Variants in CCDC125 observed in about 807,000 individuals in gnomAD.
CCDC125 encodes the protein coiled-coil domain containing 125.
A neutral mutation model predicts 57.4 loss-of-function variants in CCDC125; 43 were observed. The ratio of observed to expected loss-of-function variants is 0.75; its 90% confidence interval spans 0.59 to 0.97. The LOEUF (loss-of-function observed/expected upper bound fraction) is 0.97, where lower values mean the gene tolerates loss of function less well. Among genes scored for constraint, CCDC125 ranks in the 50% least tolerant of loss-of-function variants. The probability of loss-of-function intolerance (pLI) is 0.00; values close to 1 mark genes in which losing one functional copy is unlikely to be tolerated. For synonymous variants in CCDC125, 187 were observed against 195.2 expected (o/e 0.96, Z 0.35); for missense variants, 563 against 595.7 (o/e 0.95, Z 0.57).
intron 10 of CCDC125, among the ~76,000 whole-genome samples, chr5:69,289,932 G>A (rs963728496): frequency 6.7e-6 from 1 of 149,990 alleles, no homozygotes; most frequent in Non-Finnish European, 1.5e-5. Context: ...CAAAAGTTTC[G>A]TGTCAGAAAA....
intron 4 of CCDC125, 71 bp from the exon 5 acceptor site, chr5:69,308,099 CTTTTA>C: frequency 9.2e-7 from 1 of 1,083,296 alleles, no homozygotes; most frequent in Non-Finnish European, 1.4e-6. Context: ...ATGAAGTTCT[CTTTTA>C]TTTTAAGGCA....
intron 8 of CCDC125, among the ~76,000 whole-genome samples, chr5:69,297,028 A>C (rs537932110): frequency 1.3e-5 from 2 of 148,696 alleles, no homozygotes; most frequent in South Asian, 4.3e-4. Context: ...TCACAGGGGC[A>C]ATCTACACAA....
In CCDC125 at chr5:69,320,379, T is replaced by C. The variant is rs201909445; in HGVS notation, c.162A>G (p.Gly54=). The C allele has an allele frequency of 3.2e-5, 51 of 1,614,148 alleles. No individual in the cohort carries two copies. In the Admixed American group the frequency reaches 8.3e-4, roughly 26 times the overall value. ...FSHRSRKRSD[G]KNFSPPPFPR... is the part of the protein sequence containing the mutation. ...GAAATGGAGGAGGGCTAAAGTTCTT[T>C]CCATCTGATCTTTTTCTAGACCTAT... The change falls in exon 2 of 12, where the codon GGA becomes GGG. Residue 54 remains glycine (G), a synonymous_variant. Coordinates refer to ENST00000396496, the MANE Select transcript of CCDC125 (RefSeq NM_176816.5).
At position 69,329,108 on chromosome 5, in the gene CCDC125, A is replaced by AAT. The variant is rs1761094557; in HGVS notation, c.-41+3540_-41+3541insAT. Among the ~76,000 whole-genome samples the AAT allele has an allele frequency of 2.0e-5, 3 of 150,834 alleles. No homozygotes were observed. The South Asian group carries it at 6.3e-4, about 32-fold the overall frequency. The stretch of plus-strand genomic sequence containing the variant: ...ACGCCCGGCCTACCTTTGACTTTTA[A>AAT]AAGACGACTTGAACCAACATATCAA... On this transcript the variant is annotated intron_variant, in intron 1 of 11. Coordinates refer to ENST00000396496, the MANE Select transcript of CCDC125 (RefSeq NM_176816.5).
At chr5:69,319,044 C>T (rs1257538019) in intron 2 of CCDC125, among the ~76,000 whole-genome samples, 1 of 151,774 alleles carries the variant, frequency 6.6e-6, no homozygotes, top group South Asian at 2.1e-4. Flanking sequence ...TCTTGTGCCT[C>T]GGCCTCCCGA....
At chr5:69,284,416 T>C (rs1752984880) in intron 11 of CCDC125, among the ~76,000 whole-genome samples, 1 of 152,172 alleles carries the variant, frequency 6.6e-6, no homozygotes, top group South Asian at 2.1e-4. Context: ...AAGGATATAA[T>C]GTGTGAGGAA....
At position 69,313,828 on chromosome 5, in the gene CCDC125, G is replaced by A. The variant is rs1295351182; in HGVS notation, c.366+157C>T. ...AAGACTTACACAACTTCATGTCGTTGAACACCTTGATGACACCATCAGAGA... is the reference window on the plus strand; with the variant it reads ...AAGACTTACACAACTTCATGTCGTTAAACACCTTGATGACACCATCAGAGA... On this transcript the variant is annotated intron_variant, in intron 3 of 11. Coordinates refer to ENST00000396496, the MANE Select transcript of CCDC125 (RefSeq NM_176816.5). 8.3e-6 allele frequency: 7 copies of A among 839,434 alleles called. No individual in the cohort carries two copies. In the East Asian group the frequency reaches 1.4e-4, roughly 17 times the overall value. The allele number at this position is 839,434 out of a possible 1,614,324, so 52.0% of individuals were successfully genotyped here. A position where few individuals can be genotyped will look rare whatever the true frequency, so the allele number is the denominator to read the frequency against.
At position 69,280,720 on chromosome 5, in the gene CCDC125, T is replaced by C. The variant is rs1228896880; in HGVS notation, c.*2009A>G. 6.6e-6 allele frequency: 1 copy of C among 152,292 alleles called. No homozygotes were observed. The highest frequency in any genetic ancestry group is 1.5e-5 in the Non-Finnish European group (1 of 68,060). 9.4% of individuals were successfully genotyped at this position (152,292 alleles called of 1,614,324 possible). ...CAACACATGCATTTTGCTTTATTCA[T>C]TTGCTTTATCTTATGGATCTCTCCA... On this transcript the variant is annotated 3_prime_UTR_variant, in exon 12 of 12. Coordinates refer to ENST00000396496, the MANE Select transcript of CCDC125 (RefSeq NM_176816.5).
chr5:69,292,965 C>T (rs1754711592), intron 9 of CCDC125, among the ~76,000 whole-genome samples: 2 of 151,358 alleles, frequency 1.3e-5, no homozygotes, highest in Admixed American at 6.6e-5. Flanking sequence ...CTCTGCCTCT[C>T]GAGTAGCTGG....
At chr5:69,312,403 G>A (rs1255579712) in intron 3 of CCDC125, among the ~76,000 whole-genome samples, 1 of 152,186 alleles carries the variant, frequency 6.6e-6, no homozygotes. Context: ...TGTCTCGGCA[G>A]CCAAATACAG....
At chr5:69,286,512 C>T (rs1457501045) in intron 10 of CCDC125, among the ~76,000 whole-genome samples, 3 of 151,722 alleles carry the variant, frequency 2.0e-5, no homozygotes, top group African/African-American at 7.3e-5. Context: ...GGATTACAGG[C>T]GTGAGCCACC....
At chr5:69,320,649 C>T in intron 1 of CCDC125, 69 bp from the exon 2 acceptor site, 1 of 688,400 alleles carries the variant, frequency 1.5e-6, no homozygotes, top group Non-Finnish European at 2.5e-6. Flanking sequence ...TCGATATTTA[C>T]CCAAAACATT....
intron 3 of CCDC125, chr5:69,313,771 C>T (rs1330180534): frequency 2.5e-6 from 2 of 786,684 alleles, no homozygotes; most frequent in South Asian, 1.3e-5. Context: ...AGAGCACCGC[C>T]TTCTTGCGCT....
At chr5:69,329,813 T>G (rs1761199343) in intron 1 of CCDC125, among the ~76,000 whole-genome samples, 1 of 152,132 alleles carries the variant, frequency 6.6e-6, no homozygotes, top group East Asian at 1.9e-4. Flanking sequence ...CGGATGTATT[T>G]TTTTCTATTC....
At position 69,294,793 on chromosome 5, in the gene CCDC125, C is replaced by G; in HGVS notation, c.924G>C (p.Glu308Asp). The G allele has an allele frequency of 1.9e-6, 3 of 1,609,768 alleles. No homozygotes were observed. The highest frequency in any genetic ancestry group is 2.6e-6 in the Non-Finnish European group (3 of 1,176,324). ...TTTTGCTGTTGTGATAACGCAATACCTCTTGTTTGAGCTGAAGAAGCAGTT... is the reference window on the plus strand; with the variant it reads ...TTTTGCTGTTGTGATAACGCAATACGTCTTGTTTGAGCTGAAGAAGCAGTT... ...TRKLLLQLKQ[E>D]LEILQKSKEE... Residue 308 changes from glutamate (E) to aspartate (D), a missense_variant and splice_region_variant, in exon 9 of 12, where the codon GAG (glutamate) becomes GAC (aspartate). Glu to Asp is a conservative substitution (Grantham distance 45). Transcript: ENST00000396496.
intron 10 of CCDC125, among the ~76,000 whole-genome samples, chr5:69,287,415 C>T (rs1753696793): frequency 6.6e-6 from 1 of 152,002 alleles, no homozygotes; most frequent in Non-Finnish European, 1.5e-5. Flanking sequence ...AGGCTTGTGC[C>T]ACCACACCCA....
intron 8 of CCDC125, among the ~76,000 whole-genome samples, chr5:69,298,974 A>C (rs1011426979): frequency 6.6e-6 from 1 of 152,204 alleles, no homozygotes; most frequent in Non-Finnish European, 1.5e-5. Flanking sequence ...GGATTTTAAC[A>C]GTACCCACTT....
chr5:69,305,776 C>T (rs773489543), intron 6 of CCDC125, among the ~76,000 whole-genome samples: 48 of 152,224 alleles, frequency 3.2e-4, no homozygotes, highest in Non-Finnish European at 4.4e-4. Flanking sequence ...TCAATAAATA[C>T]GAAGGGTGCT....
At chr5:69,313,583 CCTT>C in intron 3 of CCDC125, 1 of 734,152 alleles carries the variant, frequency 1.4e-6, no homozygotes. Flanking sequence ...ACCAGGTCCT[CCTT>C]CTTGCTCTCT....
Sources: gnomAD v4.1 joint callset for allele counts (sites outside exome capture counted in the v4.1 genomes callset) on GRCh38, gnomAD v4.1.1 for gene constraint, MANE v1.5 for transcripts, NCBI Gene and HGNC (gene_info 2026-07-23, HGNC 2026-07-21) for gene names.